The following PDE10A variants were observed in gnomAD, a reference collection of about 807,000 sequenced individuals.
PDE10A encodes the protein phosphodiesterase 10A.
Under a neutral mutation model 97.7 loss-of-function variants are expected in PDE10A, and 39 were observed. The observed-to-expected ratio is 0.40, with a 90% CI of 0.31 to 0.52. PDE10A has a LOEUF of 0.52. PDE10A is among the 20% of genes least tolerant of loss of function. The probability of loss-of-function intolerance (pLI) is 0.56; values close to 1 mark genes in which losing one functional copy is unlikely to be tolerated. For missense variants in PDE10A, 731 were observed against 1,047.8 expected (o/e 0.70, Z 4.17); for synonymous variants, 371 against 376.8 (o/e 0.98, Z 0.18).
intron 1 of PDE10A, 65 bp from the exon 2 acceptor site, chr6:165,543,633 G>A: frequency 7.8e-7 from 1 of 1,288,178 alleles, no homozygotes. Flanking sequence ...GAAAGGTATA[G>A]TATCACAACA....
At chr6:165,828,179 T>C (rs1779812207) in intron 1 of PDE10A, among the ~76,000 whole-genome samples, 1 of 152,266 alleles carries the variant, frequency 6.6e-6, no homozygotes, top group South Asian at 2.1e-4. Flanking sequence ...TTCTAAGGCA[T>C]AGTTCTTTGT....
intron 1 of PDE10A, among the ~76,000 whole-genome samples, chr6:165,924,283 G>T (rs529761083): frequency 6.6e-6 from 1 of 152,206 alleles, no homozygotes; most frequent in African/African-American, 2.4e-5. Context: ...TTTCCATTTT[G>T]GATAGAACAT....
chr6:165,642,430 G>A (rs900526872), intron 1 of PDE10A, among the ~76,000 whole-genome samples: 12 of 152,176 alleles, frequency 7.9e-5, no homozygotes, highest in African/African-American at 2.9e-4. Flanking sequence ...GTATTTAGGA[G>A]GGACACAGCC....
chr6:165,350,386 C>G (rs541940516), intron 18 of PDE10A, among the ~76,000 whole-genome samples: 96 of 152,224 alleles, frequency 6.3e-4, no homozygotes, highest in Non-Finnish European at 1.2e-3. Context: ...GCCAATTTCT[C>G]CCATTTGGAA....
intron 3 of PDE10A, among the ~76,000 whole-genome samples, chr6:165,455,805 C>CA (rs1436579185): frequency 6.6e-6 from 1 of 152,172 alleles, no homozygotes; most frequent in Non-Finnish European, 1.5e-5. Context: ...CATTGGTCTC[C>CA]AACTCAGTTT....
At chr6:165,455,199 A>T (rs1206217252) in intron 3 of PDE10A, among the ~76,000 whole-genome samples, 1 of 152,158 alleles carries the variant, frequency 6.6e-6, no homozygotes, top group African/African-American at 2.4e-5. Flanking sequence ...GCTGGAATGC[A>T]GCACTAACTA....
At chr6:165,923,381 C>CCACAT (rs1339073543) in intron 1 of PDE10A, among the ~76,000 whole-genome samples, 5 of 152,194 alleles carry the variant, frequency 3.3e-5, no homozygotes, top group African/African-American at 1.2e-4. Flanking sequence ...AGAGCAGTGA[C>CCACAT]CACATCGTGG....
At chr6:165,620,392 T>C (rs774783228) in intron 1 of PDE10A, among the ~76,000 whole-genome samples, 12 of 152,074 alleles carry the variant, frequency 7.9e-5, no homozygotes, top group Non-Finnish European at 1.2e-4. Flanking sequence ...TCTTGAGACA[T>C]GTCGAACCTG....
chr6:165,431,581 C>CTATATATAT, intron 7 of PDE10A, 109 bp from the exon 8 acceptor site: 1 of 314,838 alleles, frequency 3.2e-6, no homozygotes, highest in Non-Finnish European at 5.7e-6. Flanking sequence ...CATATATATA[C>CTATATATAT]TATATATAGT....
chr6:165,765,696 TGGGCTCCCGCCTTGGCCAGCCCAGAAAG>T (rs1344703737), intron 1 of PDE10A, among the ~76,000 whole-genome samples: 2 of 151,914 alleles, frequency 1.3e-5, no homozygotes, highest in Non-Finnish European at 2.9e-5. Context: ...GCTGAGGGAG[TGGGCTCCCGCCTTGGCCAGCCCAGAAAG>T]GGGCTCCCAC....
At chr6:165,846,167 C>T (rs1293657133) in intron 1 of PDE10A, among the ~76,000 whole-genome samples, 1 of 152,164 alleles carries the variant, frequency 6.6e-6, no homozygotes, top group African/African-American at 2.4e-5. Context: ...TGCCCCCATG[C>T]AGATCAGACA....
intron 1 of PDE10A, among the ~76,000 whole-genome samples, chr6:165,736,075 A>T (rs558215740): frequency 4.6e-5 from 7 of 152,308 alleles, no homozygotes; most frequent in Non-Finnish European, 1.0e-4. Flanking sequence ...TACAGTAAGG[A>T]CAAGGGCTAA....
At chr6:165,744,041 T>A (rs1411077950) in intron 1 of PDE10A, among the ~76,000 whole-genome samples, 1 of 152,202 alleles carries the variant, frequency 6.6e-6, no homozygotes, top group Non-Finnish European at 1.5e-5. Flanking sequence ...TAATGCCTCC[T>A]TTGTAAAATT....
intron 1 of PDE10A, among the ~76,000 whole-genome samples, chr6:165,737,501 A>G (rs1792607543): frequency 1.3e-5 from 2 of 152,268 alleles, no homozygotes; most frequent in Non-Finnish European, 2.9e-5. Flanking sequence ...CAACATGTGC[A>G]AATCCATAAA....
At chr6:165,907,235 C>T (rs376125075) in intron 1 of PDE10A, among the ~76,000 whole-genome samples, 3 of 152,334 alleles carry the variant, frequency 2.0e-5, no homozygotes, top group African/African-American at 7.2e-5. Flanking sequence ...GGCCTGCCGC[C>T]GTGGTTGCAG....
chr6:165,830,182 A>T (rs1779871196), intron 1 of PDE10A, among the ~76,000 whole-genome samples: 1 of 152,240 alleles, frequency 6.6e-6, no homozygotes, highest in Non-Finnish European at 1.5e-5. Context: ...CAATGAAAAT[A>T]GAAGAATCAG....
rs868782598 is a variant in PDE10A at position 165,819,513 on chromosome 6, C to T, written c.-615+168016G>A. Among the ~76,000 whole-genome samples, 11 of 152,188 alleles carry T rather than the reference C, an allele frequency of 7.2e-5. No individual in the cohort carries two copies. The highest frequency in any genetic ancestry group is 1.3e-4 in the Admixed American group (2 of 15,288). ...GTGCTGCCCTCTGACTGCAGGGTGC[C>T]GGCAGCCTCCTCCGACCTCCGAAGA... On this transcript the variant is annotated intron_variant, in intron 1 of 19. Transcript: ENST00000366882. The surrounding 1 kb of genome is among the most constrained non-coding windows in gnomAD (Gnocchi z 4.2).
intron 18 of PDE10A, among the ~76,000 whole-genome samples, chr6:165,346,408 C>T (rs765834942): frequency 1.3e-5 from 2 of 152,166 alleles, no homozygotes; most frequent in Non-Finnish European, 1.5e-5. Flanking sequence ...CTCCCGTCTT[C>T]GTTTCCTTTT....
intron 1 of PDE10A, among the ~76,000 whole-genome samples, chr6:165,574,412 C>T (rs1392036685): frequency 1.3e-5 from 2 of 152,156 alleles, no homozygotes; most frequent in African/African-American, 4.8e-5. Context: ...GAGTTCCACC[C>T]ACTCAGGTGA....
Sources: allele counts gnomAD v4.1 joint callset (sites outside exome capture counted in the v4.1 genomes callset), GRCh38; gene constraint gnomAD v4.1.1; non-coding constraint Gnocchi (gnomAD v3.1); transcripts MANE v1.5; gene names NCBI Gene and HGNC (gene_info 2026-07-23, HGNC 2026-07-21).